Variants in BMPER observed in about 807,000 individuals in gnomAD.
BMPER encodes the protein BMP-binding endothelial regulator protein.
BMPER carries 45 observed loss-of-function variants against 87.3 expected under a neutral mutation model. That is an observed-to-expected ratio of 0.52 (90% CI 0.41 to 0.66). The LOEUF (loss-of-function observed/expected upper bound fraction) is 0.66. BMPER is among the 30% of genes least tolerant of loss of function. The probability of loss-of-function intolerance (pLI) is 0.00; values close to 1 mark genes in which losing one functional copy is unlikely to be tolerated. For missense variants in BMPER, 784 were observed against 867.5 expected (o/e 0.90, Z 1.21); for synonymous variants, 326 against 316.2 (o/e 1.03, Z -0.33).
intron 6 of BMPER, among the ~76,000 whole-genome samples, chr7:33,981,226 A>G (rs983395726): frequency 2.0e-5 from 3 of 152,206 alleles, no homozygotes; most frequent in South Asian, 2.1e-4. Context: ...TTCCAGGCCC[A>G]CTGAATTGAA....
chr7:33,941,565 G>GACCCT (rs1247202229), intron 3 of BMPER, among the ~76,000 whole-genome samples: 2 of 152,112 alleles, frequency 1.3e-5, no homozygotes, highest in Non-Finnish European at 2.9e-5. Context: ...GGGTTGATGG[G>GACCCT]AGACAGTGAC....
intron 9 of BMPER, 52 bp from the exon 10 acceptor site, chr7:34,058,007 C>T: frequency 2.6e-6 from 4 of 1,540,996 alleles, no homozygotes; most frequent in Non-Finnish European, 3.6e-6. Flanking sequence ...TCTGTTGCCT[C>T]AACTCCTGTC....
At chr7:34,056,805 A>G (rs1026961034) in intron 9 of BMPER, among the ~76,000 whole-genome samples, 1 of 151,880 alleles carries the variant, frequency 6.6e-6, no homozygotes, top group African/African-American at 2.4e-5. Flanking sequence ...TTTAGTAGAG[A>G]TGGGATATTG....
intron 6 of BMPER, among the ~76,000 whole-genome samples, chr7:33,982,294 G>C (rs1257773223): frequency 2.0e-5 from 3 of 152,080 alleles, no homozygotes; most frequent in Non-Finnish European, 4.4e-5. Context: ...CCCTGTCCAC[G>C]GGGAGAAATT....
intron 6 of BMPER, among the ~76,000 whole-genome samples, chr7:34,039,360 A>T (rs1467383605): frequency 6.6e-6 from 1 of 151,922 alleles, no homozygotes; most frequent in Non-Finnish European, 1.5e-5. Context: ...TTGGCCTAGT[A>T]CTCTAGTTCT....
At chr7:34,024,379 AAAACAATATATAT>A (rs1787289109) in intron 6 of BMPER, among the ~76,000 whole-genome samples, 1 of 76,652 alleles carries the variant, frequency 1.3e-5, no homozygotes, top group African/African-American at 6.8e-5. Context: ...AAAAAAAAAA[AAAACAATATATAT>A]ATATATATAT....
chr7:34,133,468 C>CCTGTGCATCTCTTCCATCTGG (rs1289271451), intron 13 of BMPER, among the ~76,000 whole-genome samples: 5 of 152,142 alleles, frequency 3.3e-5, no homozygotes, highest in African/African-American at 1.2e-4. Flanking sequence ...ACACCCTCAC[C>CCTGTGCATCTCTTCCATCTGG]CTGTGCATCT....
At chr7:34,007,086 C>T (rs1248891583) in intron 6 of BMPER, among the ~76,000 whole-genome samples, 8 of 152,016 alleles carry the variant, frequency 5.3e-5, no homozygotes, top group African/African-American at 1.9e-4. Flanking sequence ...CTTGCCTTCC[C>T]ATAACTAATT....
chr7:34,013,982 AAT>A (rs761411204), intron 6 of BMPER, among the ~76,000 whole-genome samples: 3 of 151,928 alleles, frequency 2.0e-5, no homozygotes, highest in South Asian at 2.1e-4. Context: ...CTCACCACTT[AAT>A]AAATATAGTT....
intron 14 of BMPER, among the ~76,000 whole-genome samples, chr7:34,151,618 G>A (rs551588540): frequency 2.6e-5 from 4 of 152,264 alleles, no homozygotes; most frequent in South Asian, 4.1e-4. Flanking sequence ...TCATCCCTCT[G>A]CTGGTATATC....
At chr7:34,074,874 T>G (rs904692019) in intron 11 of BMPER, among the ~76,000 whole-genome samples, 1 of 152,254 alleles carries the variant, frequency 6.6e-6, no homozygotes, top group African/African-American at 2.4e-5. Flanking sequence ...AATAAATACA[T>G]GCACAAAATT....
chr7:34,054,483 C>T (rs1236948895), intron 8 of BMPER, among the ~76,000 whole-genome samples: 1 of 152,112 alleles, frequency 6.6e-6, no homozygotes, highest in Non-Finnish European at 1.5e-5. Flanking sequence ...CACAGTAAAC[C>T]TGAGAAACAA....
chr7:34,087,738 T>C (rs2127977824), intron 13 of BMPER, among the ~76,000 whole-genome samples: 1 of 152,302 alleles, frequency 6.6e-6, no homozygotes, highest in Middle Eastern at 3.4e-3. Flanking sequence ...ATTGGACCCT[T>C]CTCTGCTTAA....
chr7:34,078,975 G>C lies in BMPER; in HGVS notation c.1197G>C (p.Ser399=). ...CAAAAGACTGCTCCTCCCCTGCCTC[G>C]CCCTTCCAGGTGCTGGTGAAGAACG... ...VLTKDCSSPA[S]PFQVLVKNDA... Residue 399 remains serine, a synonymous_variant, in exon 12 of 15, where the codon TCG becomes TCC. Coordinates refer to ENST00000649409, the MANE Select transcript of BMPER (RefSeq NM_001365308.1). The C allele has an allele frequency of 6.2e-7, 1 of 1,614,160 alleles. No individual in the cohort carries two copies. The highest frequency in any genetic ancestry group is 1.3e-5 in the African/African-American group (1 of 75,046).
At chr7:33,932,403 G>GAA (rs1644678365) in intron 2 of BMPER, among the ~76,000 whole-genome samples, 1 of 152,174 alleles carries the variant, frequency 6.6e-6, no homozygotes, top group Non-Finnish European at 1.5e-5. Context: ...TTAGTTTCCT[G>GAA]AAAAAAGATC....
At chr7:34,023,955 A>T (rs1052350710) in intron 6 of BMPER, among the ~76,000 whole-genome samples, 3 of 152,022 alleles carry the variant, frequency 2.0e-5, no homozygotes, top group African/African-American at 7.2e-5. Context: ...CAAAGTTGAA[A>T]AAAAACAGCC....
At chr7:33,971,273 T>C (rs1351150820) in intron 5 of BMPER, among the ~76,000 whole-genome samples, 1 of 152,150 alleles carries the variant, frequency 6.6e-6, no homozygotes, top group Non-Finnish European at 1.5e-5. Context: ...GAGCTCCTGC[T>C]CCATTCTCAG....
chr7:34,125,861 A>G (rs1790388357), intron 13 of BMPER, among the ~76,000 whole-genome samples: 1 of 152,228 alleles, frequency 6.6e-6, no homozygotes, highest in African/African-American at 2.4e-5. Context: ...GAAAACATGG[A>G]TCATTCTTCA....
intron 13 of BMPER, among the ~76,000 whole-genome samples, chr7:34,115,729 A>G (rs891780470): frequency 2.6e-5 from 4 of 152,234 alleles, no homozygotes; most frequent in Non-Finnish European, 5.9e-5. Context: ...TTATTTATCC[A>G]TTCATTGTTT....
Sources: gnomAD v4.1 joint callset for allele counts (sites outside exome capture counted in the v4.1 genomes callset) on GRCh38, gnomAD v4.1.1 for gene constraint, MANE v1.5 for transcripts, NCBI Gene and HGNC (gene_info 2026-07-23, HGNC 2026-07-21) for gene names.